Variants in KIAA2012 observed in about 807,000 individuals in gnomAD.
KIAA2012 encodes KIAA2012, also known as uncharacterized protein KIAA2012.
In KIAA2012, 125 loss-of-function variants were observed where a neutral mutation model predicts 150.6. The ratio of observed to expected loss-of-function variants is 0.83; its 90% CI spans 0.72 to 0.96. The LOEUF (loss-of-function observed/expected upper bound fraction) is 0.96. KIAA2012 is among the 40% of genes least tolerant of loss of function. The probability of loss-of-function intolerance (pLI) is 0.00; values close to 1 mark genes in which losing one functional copy is unlikely to be tolerated. For missense variants in KIAA2012, 1,219 were observed against 1,354.9 expected, an observed-to-expected ratio of 0.90 and a Z score of 1.57; for synonymous variants, 462 against 504.7, an observed-to-expected ratio of 0.92 and a Z score of 1.13.
intron 5 of KIAA2012, among the ~76,000 whole-genome samples, chr2:202,098,831 C>T (rs551604746): frequency 8.1e-4 from 122 of 150,232 alleles, no homozygotes; most frequent in African/African-American, 2.2e-3. Flanking sequence ...CACGCGCGCG[C>T]GCGCGCAGGA....
chr2:202,169,656 C>T (rs1273243499), intron 15 of KIAA2012, among the ~76,000 whole-genome samples: 1 of 152,114 alleles, frequency 6.6e-6, no homozygotes, highest in Non-Finnish European at 1.5e-5. Flanking sequence ...CTATCTAGAC[C>T]CATTCTAGCT....
chr2:202,149,603 G>A (rs574018247), intron 13 of KIAA2012, among the ~76,000 whole-genome samples: 23 of 152,254 alleles, frequency 1.5e-4, no homozygotes, highest in Admixed American at 7.9e-4. Context: ...AGAGACAATC[G>A]CTCTTCTTGG....
chr2:202,094,655 A>C (rs2105917242), intron 4 of KIAA2012, among the ~76,000 whole-genome samples: 1 of 152,148 alleles, frequency 6.6e-6, no homozygotes, highest in South Asian at 2.1e-4. Context: ...AGTAGCTGGA[A>C]CTGTAGGAGC....
chr2:202,176,203 C>CT (rs5837808), intron 15 of KIAA2012, among the ~76,000 whole-genome samples: 1,724 of 145,708 alleles, frequency 0.012, 24 homozygotes, highest in African/African-American at 0.03. Flanking sequence ...ATTGATAAAT[C>CT]TTTTTTTTTT....
intron 11 of KIAA2012, among the ~76,000 whole-genome samples, chr2:202,117,692 G>A (rs1328164153): frequency 1.3e-5 from 2 of 152,118 alleles, no homozygotes; most frequent in Non-Finnish European, 2.9e-5. Flanking sequence ...ATGTCCCGTC[G>A]AACTCCAATT....
At chr2:202,188,426 G>C (rs1692270619) in intron 18 of KIAA2012, among the ~76,000 whole-genome samples, 160 bp downstream of exon 18, 1 of 152,138 alleles carries the variant, frequency 6.6e-6, no homozygotes, top group Non-Finnish European at 1.5e-5. Context: ...TGTCATATCA[G>C]TATCTTAATA....
intron 12 of KIAA2012, among the ~76,000 whole-genome samples, chr2:202,131,240 AGCCATTCTCCT>A (rs377389225): frequency 1.3e-5 from 2 of 152,154 alleles, no homozygotes; most frequent in African/African-American, 4.8e-5. Flanking sequence ...CCCGGGTTCA[AGCCATTCTCCT>A]GCCTCAGCCT....
chr2:202,148,660 A>G (rs568215642), intron 13 of KIAA2012, among the ~76,000 whole-genome samples: 1 of 152,210 alleles, frequency 6.6e-6, no homozygotes, highest in South Asian at 2.1e-4. Context: ...TGCTCCTCAG[A>G]AAGAGGCTAT....
intron 5 of KIAA2012, among the ~76,000 whole-genome samples, chr2:202,099,379 C>T (rs1032917106): frequency 2.0e-5 from 3 of 152,006 alleles, no homozygotes; most frequent in East Asian, 1.9e-4. Context: ...TTCACAAGAT[C>T]GCACTATATG....
At chr2:202,141,546 A>AT (rs1369878342) in intron 13 of KIAA2012, among the ~76,000 whole-genome samples, 1 of 152,156 alleles carries the variant, frequency 6.6e-6, no homozygotes, top group African/African-American at 2.4e-5. Flanking sequence ...TTATGAAGGC[A>AT]TTTTTTGCAT....
chr2:202,103,051 A>G lies in KIAA2012; in HGVS notation c.1261A>G (p.Ile421Val). The G allele has an allele frequency of 2.6e-6, 4 of 1,550,596 alleles. No homozygotes were observed. Among genetic ancestry groups the G allele is most frequent in the Non-Finnish European group, 3.5e-6 (4 of 1,146,984 alleles). ...CAATGAGCCCCCAACAGAGCTCTTCATCTTACCGGTGGAGATTCATTACCA... is the reference window on the plus strand; with the variant it reads ...CAATGAGCCCCCAACAGAGCTCTTCGTCTTACCGGTGGAGATTCATTACCA... Reference protein sequence around the residue: ...KANEPPTELFILPVEIHYHTK... With the variant: ...KANEPPTELFVLPVEIHYHTK... Residue 421 changes from isoleucine (I) to valine (V), a missense_variant, in exon 8 of 24, where the codon ATC (isoleucine) becomes GTC (valine). Physicochemically the swap from Ile to Val is conservative, Grantham distance 29. Transcript: ENST00000498697.
intron 4 of KIAA2012, 45 bp downstream of exon 4, chr2:202,093,230 A>G (rs760117605): frequency 6.5e-6 from 10 of 1,536,802 alleles, no homozygotes; most frequent in African/African-American, 1.4e-5. Context: ...GTTCTCAGAT[A>G]TTTGAATTGT....
At chr2:202,105,703 G>T in intron 8 of KIAA2012, 58 bp from the exon 9 acceptor site, 1 of 1,524,476 alleles carries the variant, frequency 6.6e-7, no homozygotes, top group Non-Finnish European at 8.8e-7. Flanking sequence ...CAAAAGAAGA[G>T]ACATTAGGCA....
chr2:202,130,987 C>T (rs1392323044), intron 12 of KIAA2012, among the ~76,000 whole-genome samples: 1 of 151,968 alleles, frequency 6.6e-6, no homozygotes. Flanking sequence ...AGGATGTTTC[C>T]CGCCTAGTTT....
rs1470614953 is a variant in KIAA2012 at position 202,194,275 on chromosome 2, G to A, written c.3100G>A (p.Glu1034Lys). The A allele has an allele frequency of 4.5e-6, 7 of 1,550,500 alleles. No individual in the cohort carries two copies. The highest frequency in any genetic ancestry group is 5.2e-6 in the Non-Finnish European group (6 of 1,147,012). The change falls in exon 21 of 24, where the codon GAG (glutamate) becomes AAG (lysine). Residue 1034 changes from glutamate (E) to lysine (K), a missense_variant. By Grantham distance (56) the Glu-to-Lys change is moderately conservative. Coordinates refer to ENST00000498697, the MANE Select transcript of KIAA2012 (RefSeq NM_001277372.4). Reference sequence around the variant, plus strand: ...GCAGCTCCGGTTGAAAGCAGCCCAGGAGAGAGCCCGGCAACAGCAAGAGGA... The same window carrying A: ...GCAGCTCCGGTTGAAAGCAGCCCAGAAGAGAGCCCGGCAACAGCAAGAGGA... ...KQQLRLKAAQ[E>K]RARQQQEEFR... is the part of the protein sequence containing the mutation.
chr2:202,195,853 G>A (rs1692404078), intron 21 of KIAA2012, among the ~76,000 whole-genome samples: 1 of 152,208 alleles, frequency 6.6e-6, no homozygotes, highest in African/African-American at 2.4e-5. Context: ...ATAAAAGACA[G>A]AATTTCATTC....
At chr2:202,171,112 T>TACACACAC (rs10532176) in intron 15 of KIAA2012, among the ~76,000 whole-genome samples, 7 of 149,724 alleles carry the variant, frequency 4.7e-5, no homozygotes, top group African/African-American at 1.7e-4. Context: ...AAAGAAATAC[T>TACACACAC]ACACACACAC....
chr2:202,184,670 C>T (rs1041907484), intron 15 of KIAA2012, 83 bp from the exon 16 acceptor site: 1 of 919,806 alleles, frequency 1.1e-6, no homozygotes, highest in Non-Finnish European at 1.6e-6. Flanking sequence ...TGGCTACTCA[C>T]CAGGTAGATG....
At chr2:202,158,851 C>T (rs191937711) in intron 14 of KIAA2012, among the ~76,000 whole-genome samples, 73 of 152,052 alleles carry the variant, frequency 4.8e-4, no homozygotes, top group African/African-American at 1.7e-3. Context: ...GCAATAATGC[C>T]TATTAATGCT....
Sources: allele counts gnomAD v4.1 joint callset (sites outside exome capture counted in the v4.1 genomes callset), GRCh38; gene constraint gnomAD v4.1.1; transcripts MANE v1.5; gene names NCBI Gene and HGNC (gene_info 2026-07-23, HGNC 2026-07-21).